Variants in ENPP1 observed in about 807,000 individuals in gnomAD.
ENPP1 encodes ectonucleotide pyrophosphatase/phosphodiesterase family member 1.
In ENPP1, 73 loss-of-function variants were observed where a neutral mutation model predicts 122.8. The observed-to-expected ratio is 0.59, with a 90% confidence interval of 0.49 to 0.72. ENPP1 has a LOEUF of 0.72. Ranked by LOEUF, ENPP1 falls within the 30% of genes least tolerant of loss-of-function variation. The pLI is 0.00. For missense variants in ENPP1, 978 were observed against 1,128.1 expected (o/e 0.87, Z 1.91); for synonymous variants, 367 against 391.6 (o/e 0.94, Z 0.74).
intron 1 of ENPP1, chr6:131,819,792 A>G: frequency 2.6e-6 from 1 of 377,698 alleles, no homozygotes; most frequent in Non-Finnish European, 5.2e-6. Flanking sequence ...TCTGCTTCAT[A>G]GAGCAGACAT....
chr6:131,863,324 T>C (rs192390771), intron 9 of ENPP1, among the ~76,000 whole-genome samples: 2 of 152,342 alleles, frequency 1.3e-5, no homozygotes, highest in African/African-American at 2.4e-5. Context: ...TTGAAATCCA[T>C]GATGCATTGA....
At chr6:131,819,559 T>G (rs562754706) in intron 1 of ENPP1, among the ~76,000 whole-genome samples, 1 of 152,234 alleles carries the variant, frequency 6.6e-6, no homozygotes, top group Non-Finnish European at 1.5e-5. Context: ...ATATTAATAC[T>G]TTAATAAACT....
At chr6:131,858,388 C>T (rs1244752059) in intron 6 of ENPP1, among the ~76,000 whole-genome samples, 2 of 152,188 alleles carry the variant, frequency 1.3e-5, no homozygotes, top group African/African-American at 4.8e-5. Context: ...TTACAAGCAT[C>T]ATTTTATTAT....
chr6:131,827,168 C>T (rs1781556439), intron 1 of ENPP1: 1 of 748,018 alleles, frequency 1.3e-6, no homozygotes, highest in African/African-American at 1.7e-5. Context: ...TTGTCTTGGA[C>T]ATTTTCCACA....
intron 13 of ENPP1, 63 bp downstream of exon 13, chr6:131,869,552 G>T (rs979371369): frequency 7.8e-6 from 12 of 1,545,228 alleles, no homozygotes; most frequent in Non-Finnish European, 9.8e-6. Context: ...CTTTAGGCCG[G>T]GCACAGTGGC....
intron 1 of ENPP1, among the ~76,000 whole-genome samples, chr6:131,831,396 G>GATTATTAACTAAAGTCCAT (rs58807482): frequency 4.5e-4 from 68 of 152,236 alleles, no homozygotes; most frequent in African/African-American, 1.4e-3. Flanking sequence ...AGTGATACAT[G>GATTATTAACTAAAGTCCAT]ATTATTAACT....
intron 1 of ENPP1, among the ~76,000 whole-genome samples, chr6:131,844,855 C>A (rs540643635): frequency 1.3e-5 from 2 of 152,038 alleles, no homozygotes; most frequent in East Asian, 3.9e-4. Flanking sequence ...GTTGAAGGTG[C>A]AAAGCTTATG....
intron 23 of ENPP1, 56 bp downstream of exon 23, chr6:131,885,119 G>A: frequency 6.4e-7 from 1 of 1,567,992 alleles, no homozygotes; most frequent in Non-Finnish European, 8.8e-7. Flanking sequence ...GTAGAAATGG[G>A]ATTACCATCC....
chr6:131,878,264 C>T (rs1011617144), intron 18 of ENPP1, among the ~76,000 whole-genome samples: 1 of 151,814 alleles, frequency 6.6e-6, no homozygotes, highest in Admixed American at 6.6e-5. Context: ...GGCATGGTGA[C>T]ATATGCCTGG....
chr6:131,844,734 G>A (rs1283123374), intron 1 of ENPP1, among the ~76,000 whole-genome samples: 1 of 152,206 alleles, frequency 6.6e-6, no homozygotes, highest in Non-Finnish European at 1.5e-5. Flanking sequence ...GGAGTCTAGT[G>A]AAGCTGAATT....
chr6:131,877,302 G>T, intron 18 of ENPP1, 141 bp downstream of exon 18: 2 of 791,702 alleles, frequency 2.5e-6, no homozygotes, highest in Admixed American at 2.1e-5. Flanking sequence ...TCTAGGGGGC[G>T]CATGTAGATC....
chr6:131,809,100 G>T (rs1425563627), intron 1 of ENPP1, among the ~76,000 whole-genome samples: 2 of 152,084 alleles, frequency 1.3e-5, no homozygotes, highest in Non-Finnish European at 2.9e-5. Flanking sequence ...GTGAAAATGG[G>T]ACAACATCAA....
At chr6:131,822,564 A>G (rs1248523975) in intron 1 of ENPP1, among the ~76,000 whole-genome samples, 1 of 151,838 alleles carries the variant, frequency 6.6e-6, no homozygotes, top group East Asian at 1.9e-4. Flanking sequence ...GGACTTTTCT[A>G]TGTGTACATA....
At chr6:131,834,610 A>C (rs1469833324) in intron 1 of ENPP1, among the ~76,000 whole-genome samples, 1 of 148,898 alleles carries the variant, frequency 6.7e-6, no homozygotes, top group Non-Finnish European at 1.5e-5. Flanking sequence ...AGCCCATTGC[A>C]ACCTCCGCCT....
chr6:131,825,931 C>A, intron 1 of ENPP1: 1 of 445,788 alleles, frequency 2.2e-6, no homozygotes, highest in Non-Finnish European at 4.1e-6. Flanking sequence ...ATTTAAAGCC[C>A]TGGAGCATAC....
At chr6:131,826,952 G>T in intron 1 of ENPP1, 2 of 402,044 alleles carry the variant, frequency 5.0e-6, no homozygotes, top group South Asian at 4.9e-5. Context: ...TTCAGGCAGA[G>T]GATTTTAAAA....
chr6:131,855,797 T>C (rs1434292671), intron 6 of ENPP1, among the ~76,000 whole-genome samples: 1 of 151,802 alleles, frequency 6.6e-6, no homozygotes, highest in Non-Finnish European at 1.5e-5. Context: ...CTTAATTAAG[T>C]GATTTTTCTA....
At chr6:131,878,729 T>A (rs139738497) in intron 19 of ENPP1, 136 bp downstream of exon 19, 1 of 725,912 alleles carries the variant, frequency 1.4e-6, no homozygotes, top group Non-Finnish European at 2.5e-6. Flanking sequence ...GACCACCTGA[T>A]GAAACATAGA....
In ENPP1 at chr6:131,877,540, C is replaced by T. The variant is rs928681305; in HGVS notation, c.1893+379C>T. 5 of 209,210 alleles carry T rather than the reference C, an allele frequency of 2.4e-5. No individual in the cohort carries two copies. In the South Asian group the frequency reaches 4.4e-4, roughly 18 times the overall value. The allele number at this position is 209,210 out of a possible 1,614,324, so 13.0% of individuals were successfully genotyped here. A position where few individuals can be genotyped will look rare whatever the true frequency, so the allele number is the denominator to read the frequency against. On this transcript the variant is annotated intron_variant, in intron 18 of 24. Coordinates refer to ENST00000647893, the MANE Select transcript of ENPP1 (RefSeq NM_006208.3). ...CACATAGTAAACCAATCACAATGTA[C>T]CTTTTTAAAAATACAATTCAGATTG... is the stretch of plus-strand genomic sequence containing the variant.
Sources: allele counts gnomAD v4.1 joint callset (sites outside exome capture counted in the v4.1 genomes callset), GRCh38; gene constraint gnomAD v4.1.1; transcripts MANE v1.5; gene names NCBI Gene and HGNC (gene_info 2026-07-23, HGNC 2026-07-21).